Variants in ENOX1 observed in about 807,000 individuals in gnomAD.
The protein encoded by ENOX1 is ecto-NOX disulfide-thiol exchanger 1.
A neutral mutation model predicts 82.5 loss-of-function variants in ENOX1; 42 were observed. The observed-to-expected ratio is 0.51, with a 90% CI of 0.40 to 0.66. The LOEUF is 0.66. ENOX1 is among the 30% of genes least tolerant of loss of function. The pLI is 0.00. For missense variants in ENOX1, 608 were observed against 811.6 expected (o/e 0.75, Z 3.05); for synonymous variants, 271 against 282.2 (o/e 0.96, Z 0.40).
chr13:43,355,878 A>T (rs1594113046), intron 8 of ENOX1, 41 bp downstream of exon 8: 1 of 1,568,110 alleles, frequency 6.4e-7, no homozygotes, highest in East Asian at 2.2e-5. Flanking sequence ...GTGTCTGGGG[A>T]TCCCTGTGGA....
chr13:43,369,780 C>A (rs905778392), intron 5 of ENOX1, among the ~76,000 whole-genome samples: 26 of 152,330 alleles, frequency 1.7e-4, no homozygotes, highest in Admixed American at 9.1e-4. Context: ...AATTCACCAG[C>A]AAATTTCTTC....
At chr13:43,542,253 C>G (rs1327201907) in intron 2 of ENOX1, among the ~76,000 whole-genome samples, 1 of 151,918 alleles carries the variant, frequency 6.6e-6, no homozygotes, top group Non-Finnish European at 1.5e-5. Context: ...TATTCTCAGG[C>G]CTCAGCCTCC....
rs560799025 is a variant in ENOX1, at chr13:43,782,007, A to C, written c.-285+4645T>G. On this transcript the variant is annotated intron_variant, in intron 1 of 16. Transcript: ENST00000690772. ...GGGTGGGTAAGAGTTTACAGGTTAT[A>C]ATAGCAGAAGCTGACATAAGAAAAT... Among the ~76,000 whole-genome samples the C allele has an allele frequency of 2.6e-5, 4 of 152,344 alleles. No individual in the cohort carries two copies. In the South Asian group the frequency reaches 8.3e-4, roughly 32 times the overall value.
chr13:43,312,720 C>A (rs958848976), intron 11 of ENOX1, among the ~76,000 whole-genome samples: 3 of 152,074 alleles, frequency 2.0e-5, no homozygotes, highest in South Asian at 2.1e-4. Flanking sequence ...AAATAAATGT[C>A]ACTCAATTAG....
At chr13:43,251,646 A>G (rs1487193401) in intron 14 of ENOX1, among the ~76,000 whole-genome samples, 2 of 152,212 alleles carry the variant, frequency 1.3e-5, no homozygotes, top group African/African-American at 4.8e-5. Flanking sequence ...AGGTAGGCTT[A>G]AAAACAGGCA....
chr13:43,662,958 G>A (rs542913223), intron 2 of ENOX1, among the ~76,000 whole-genome samples: 1 of 152,322 alleles, frequency 6.6e-6, no homozygotes, highest in African/African-American at 2.4e-5. Flanking sequence ...TTTCATAAAG[G>A]ATATGAATTT....
intron 10 of ENOX1, among the ~76,000 whole-genome samples, chr13:43,324,652 G>A (rs1292695144): frequency 1.3e-5 from 2 of 152,152 alleles, no homozygotes; most frequent in African/African-American, 4.8e-5. Flanking sequence ...TAGCAGGAAG[G>A]CAAAAAGACC....
intron 1 of ENOX1, among the ~76,000 whole-genome samples, chr13:43,724,669 T>C (rs2088814234): frequency 6.6e-6 from 1 of 152,244 alleles, no homozygotes; most frequent in East Asian, 1.9e-4. Flanking sequence ...TAATAGGTTT[T>C]AGAGGAAATT....
chr13:43,759,093 G>A (rs1356538737), intron 1 of ENOX1, among the ~76,000 whole-genome samples: 1 of 97,114 alleles, frequency 1.0e-5, no homozygotes, highest in Non-Finnish European at 2.0e-5. Context: ...GAACTGATAA[G>A]TTTCTTTTTT....
chr13:43,324,467 G>A (rs1259426597), intron 10 of ENOX1, among the ~76,000 whole-genome samples: 2 of 152,148 alleles, frequency 1.3e-5, no homozygotes, highest in African/African-American at 4.8e-5. Flanking sequence ...AACAGATGCT[G>A]TACATGGGAA....
At chr13:43,251,821 T>C (rs754484725) in intron 14 of ENOX1, among the ~76,000 whole-genome samples, 1 of 152,230 alleles carries the variant, frequency 6.6e-6, no homozygotes, top group Non-Finnish European at 1.5e-5. Context: ...TTTTTCTGAA[T>C]ACCAGGCTGA....
intron 2 of ENOX1, among the ~76,000 whole-genome samples, chr13:43,658,376 T>C (rs962536236): frequency 1.3e-5 from 2 of 152,188 alleles, no homozygotes; most frequent in Non-Finnish European, 2.9e-5. Context: ...GACCTCCCAA[T>C]GAGGAAGATG....
intron 12 of ENOX1, among the ~76,000 whole-genome samples, chr13:43,272,808 A>G (rs2153484069): frequency 6.6e-6 from 1 of 152,286 alleles, no homozygotes; most frequent in East Asian, 1.9e-4. Flanking sequence ...TCTAATGTGT[A>G]ACTGGGGATG....
At chr13:43,461,439 T>C (rs1030290349) in intron 3 of ENOX1, among the ~76,000 whole-genome samples, 2 of 152,224 alleles carry the variant, frequency 1.3e-5, no homozygotes, top group Non-Finnish European at 2.9e-5. Flanking sequence ...ATCACCACCA[T>C]CTATTGATAT....
At chr13:43,383,046 T>C (rs1457556617) in intron 5 of ENOX1, among the ~76,000 whole-genome samples, 1 of 152,218 alleles carries the variant, frequency 6.6e-6, no homozygotes, top group Non-Finnish European at 1.5e-5. Flanking sequence ...GCCAATTCTA[T>C]AGTTTTAGAA....
chr13:43,440,257 C>CA (rs1460709672), intron 3 of ENOX1, among the ~76,000 whole-genome samples: 2 of 151,890 alleles, frequency 1.3e-5, no homozygotes, highest in East Asian at 1.9e-4. Flanking sequence ...AACAGTTAGA[C>CA]AAAAAACCAC....
At position 43,247,973 on chromosome 13, in the gene ENOX1, C is replaced by T. The variant is rs367670881; in HGVS notation, c.1612-11235G>A. Among the ~76,000 whole-genome samples, 969 of 135,418 alleles carry T rather than the reference C, an allele frequency of 7.2e-3. 13 individuals are homozygous for T. Among genetic ancestry groups the T allele is most frequent in the East Asian group, 0.06 (265 of 4,418 alleles). The allele number at this position is 135,418 out of a possible 152,430, so 88.8% of individuals were successfully genotyped here. ...GGATCTCGGCTCACTGCAAGCTCCG[C>T]CTCCCGGGTTCACGCCATTCTCCTG... On this transcript the variant is annotated intron_variant, in intron 14 of 16. Transcript: ENST00000690772.
intron 8 of ENOX1, among the ~76,000 whole-genome samples, 158 bp downstream of exon 8, chr13:43,355,761 T>C (rs2050107099): frequency 6.6e-6 from 1 of 152,180 alleles, no homozygotes; most frequent in Admixed American, 6.5e-5. Context: ...CCACCCCAGC[T>C]CTGTAAAGAG....
chr13:43,403,454 C>T (rs1479180118), intron 5 of ENOX1, among the ~76,000 whole-genome samples: 1 of 152,134 alleles, frequency 6.6e-6, no homozygotes, highest in Non-Finnish European at 1.5e-5. Flanking sequence ...CTTTGATTTG[C>T]TTTAAGTGAT....
Sources: gnomAD v4.1 joint callset for allele counts (sites outside exome capture counted in the v4.1 genomes callset) on GRCh38, gnomAD v4.1.1 for gene constraint, MANE v1.5 for transcripts, NCBI Gene and HGNC (gene_info 2026-07-23, HGNC 2026-07-21) for gene names.